PNPLA4: variants seen among roughly 807,000 people sequenced by gnomAD.
PNPLA4 encodes patatin-like phospholipase domain-containing protein 4.
Under a neutral mutation model 18.3 loss-of-function variants are expected in PNPLA4, and 15 were observed. The ratio of observed to expected loss-of-function variants is 0.82; its 90% confidence interval spans 0.55 to 1.26. The LOEUF is 1.26. Among genes scored for constraint, PNPLA4 ranks in the 50% most tolerant of loss-of-function variants. PNPLA4 has a pLI of 0.00. For synonymous variants in PNPLA4, 88 were observed against 85.6 expected (o/e 1.03, Z -0.16); for missense variants, 229 against 196.8 (o/e 1.16, Z -0.98).
chrX:7,912,122 A>C, intron 4 of PNPLA4, 29 bp from the exon 5 acceptor site: 3 of 1,084,137 alleles, frequency 2.8e-6, no homozygotes, highest in African/African-American at 1.8e-5. Context: ...GAAGCAGCTC[A>C]TGATTACAGG....
intron 4 of PNPLA4, among the ~76,000 whole-genome samples, chrX:7,916,024 G>A (rs1293597392): frequency 9.0e-6 from 1 of 111,637 alleles, no homozygotes; most frequent in African/African-American, 3.3e-5. Flanking sequence ...TGCAGGAAAG[G>A]CTTCCTGGGT....
chrX:7,900,323 C>T lies in PNPLA4; in HGVS notation c.*363G>A, dbSNP rs1187876678. The T allele has an allele frequency of 8.3e-6, 1 of 120,465 alleles. No homozygotes were observed. Among genetic ancestry groups the T allele is most frequent in the African/African-American group, 3.2e-5 (1 of 30,841 alleles). 9.9% of individuals were successfully genotyped at this position (120,465 alleles called of 1,213,427 possible). Reference sequence around the variant, plus strand: ...GGGACACAGCTAAGTCACGGAAACACCCATGCTTCACGTCAAGATCATGCC... The same window carrying T: ...GGGACACAGCTAAGTCACGGAAACATCCATGCTTCACGTCAAGATCATGCC... On this transcript the variant is annotated 3_prime_UTR_variant, in exon 7 of 7. Transcript: ENST00000381042.
chrX:7,915,232 C>T (rs1395325548), intron 4 of PNPLA4, among the ~76,000 whole-genome samples: 1 of 98,919 alleles, frequency 1.0e-5, no homozygotes, highest in Non-Finnish European at 2.0e-5. Context: ...GTCTACAGCA[C>T]TTGTTCTCAA....
intron 4 of PNPLA4, among the ~76,000 whole-genome samples, chrX:7,917,080 A>G (rs1404934308): frequency 8.9e-6 from 1 of 112,555 alleles, no homozygotes; most frequent in Non-Finnish European, 1.9e-5. Flanking sequence ...ATCCTCATGA[A>G]CGTAAGATTC....
rs1322275142 is a variant in PNPLA4 at position 7,900,765 on chromosome X, T to C, written c.683A>G (p.Lys228Arg). ...CTGATACAAAGATTCCATTTTCCTC[T>C]TGCTTGGGGGAAAAAGGGCTTGGTT... ...RLNQALFPPS[K>R]RKMESLYQCG... is the part of the protein sequence containing the mutation. Residue 228 changes from lysine (K) to arginine (R), a missense_variant, in exon 7 of 7, where the codon AAG (lysine) becomes AGG (arginine). Coordinates refer to ENST00000381042, the MANE Select transcript of PNPLA4 (RefSeq NM_004650.3). The C allele has an allele frequency of 1.7e-6, 2 of 1,201,393 alleles. No homozygotes were observed. The highest frequency in any genetic ancestry group is 2.2e-5 in the Admixed American group (1 of 45,816).
rs1158152053 is a variant in PNPLA4 at position 7,899,328 on chromosome X, C to T, written c.*1358G>A. ...TTGTCTCTAACTGCCTCTTAGTAAT[C>T]AAGAGTTCTTGCTTGGCAAAACCTC... On this transcript the variant is annotated 3_prime_UTR_variant, in exon 7 of 7. Coordinates refer to ENST00000381042, the MANE Select transcript of PNPLA4 (RefSeq NM_004650.3). 1 of 110,768 alleles carries T rather than the reference C, an allele frequency of 9.0e-6. No individual in the cohort carries two copies. Among genetic ancestry groups the T allele is most frequent in the Non-Finnish European group, 1.9e-5 (1 of 52,996 alleles). 9.1% of individuals were successfully genotyped at this position (110,768 alleles called of 1,213,427 possible). A position where few individuals can be genotyped will look rare whatever the true frequency, so the allele number is the denominator to read the frequency against.
At chrX:7,922,659 T>A (rs1169814400) in intron 2 of PNPLA4, among the ~76,000 whole-genome samples, 1 of 112,318 alleles carries the variant, frequency 8.9e-6, no homozygotes, top group African/African-American at 3.2e-5. Flanking sequence ...TGTCAGTTCA[T>A]CTTCACATCA....
intron 5 of PNPLA4, 91 bp downstream of exon 5, chrX:7,911,937 G>A (rs1938830933): frequency 3.3e-6 from 2 of 608,032 alleles, no homozygotes; most frequent in Admixed American, 5.3e-5. Flanking sequence ...AAACTGATTT[G>A]AAGCCACTAG....
chrX:7,908,778 A>G (rs1190612747), intron 5 of PNPLA4, among the ~76,000 whole-genome samples: 1 of 112,079 alleles, frequency 8.9e-6, no homozygotes, highest in East Asian at 2.8e-4. Flanking sequence ...CTATGCACAG[A>G]CACCACATGA....
At chrX:7,917,446 G>C (rs1460490625) in intron 4 of PNPLA4, among the ~76,000 whole-genome samples, 1 of 111,693 alleles carries the variant, frequency 9.0e-6, no homozygotes, top group African/African-American at 3.3e-5. Flanking sequence ...ATCCTATTCA[G>C]CCTGAAGAAA....
chrX:7,909,743 A>C (rs1238070463), intron 5 of PNPLA4, among the ~76,000 whole-genome samples: 2 of 110,112 alleles, frequency 1.8e-5, no homozygotes, highest in Non-Finnish European at 3.8e-5. Flanking sequence ...AATCACATCT[A>C]AGTTCTGGGC....
In PNPLA4 at chrX:7,899,681, A is replaced by AGAGAGAC. The variant is rs1923463856; in HGVS notation, c.*1004_*1005insGTCTCTC. The AGAGAGAC allele has an allele frequency of 4.0e-5, 1 of 25,092 alleles. No homozygotes were observed. Among genetic ancestry groups the AGAGAGAC allele is most frequent in the Non-Finnish European group, 8.2e-5 (1 of 12,248 alleles). The allele number at this position is 25,092 out of a possible 1,213,427, so 2.1% of individuals were successfully genotyped here. On this transcript the variant is annotated 3_prime_UTR_variant, in exon 7 of 7. Coordinates refer to ENST00000381042, the MANE Select transcript of PNPLA4 (RefSeq NM_004650.3). Reference sequence around the variant, plus strand: ...AGAGAGAGAGAGAGAGAGAGAGAGAATGAATGACAACCAGCTTGATAATCT... The same window carrying AGAGAGAC: ...AGAGAGAGAGAGAGAGAGAGAGAGAAGAGAGACTGAATGACAACCAGCTTGATAATCT...
chrX:7,927,424 G>A (rs1243367916), upstream of PNPLA4: 3 of 113,438 alleles, frequency 2.6e-5, no homozygotes, highest in African/African-American at 9.6e-5. Flanking sequence ...CCTGCGGCAG[G>A]GGTTGGTACC....
At chrX:7,922,402 G>T (rs1248590987) in intron 2 of PNPLA4, among the ~76,000 whole-genome samples, 1 of 112,366 alleles carries the variant, frequency 8.9e-6, no homozygotes, top group African/African-American at 3.2e-5. Flanking sequence ...TTCTTCAAAA[G>T]GTTTCCTCAG....
chrX:7,901,110 TG>T (rs1277907897), intron 6 of PNPLA4, among the ~76,000 whole-genome samples: 1 of 111,580 alleles, frequency 9.0e-6, no homozygotes, highest in East Asian at 2.8e-4. Context: ...GTAGCACCAC[TG>T]GGACATGATA....
At chrX:7,916,319 G>T (rs1172166123) in intron 4 of PNPLA4, among the ~76,000 whole-genome samples, 1 of 111,228 alleles carries the variant, frequency 9.0e-6, no homozygotes, top group Non-Finnish European at 1.9e-5. Context: ...TAAAGAAAAA[G>T]AGCCCACAAT....
At chrX:7,905,120 A>G (rs1286103795) in intron 5 of PNPLA4, among the ~76,000 whole-genome samples, 4 of 112,268 alleles carry the variant, frequency 3.6e-5, no homozygotes, top group Non-Finnish European at 7.5e-5. Context: ...GCTCAATAGA[A>G]AAACCAAAAA....
chrX:7,922,143 A>C (rs758047072), intron 2 of PNPLA4, 45 bp from the exon 3 acceptor site: 5 of 917,552 alleles, frequency 5.4e-6, no homozygotes, highest in Non-Finnish European at 7.8e-6. Context: ...TTGTAAAGAA[A>C]ACAATCATTC....
chrX:7,911,923 A>T (rs1373258202), intron 5 of PNPLA4, 105 bp downstream of exon 5: 1 of 543,515 alleles, frequency 1.8e-6, no homozygotes, highest in Non-Finnish European at 3.1e-6. Flanking sequence ...GAGGAAAAAA[A>T]CATAAACTGA....
Sources: gnomAD v4.1 joint callset for allele counts (sites outside exome capture counted in the v4.1 genomes callset) on GRCh38, gnomAD v4.1.1 for gene constraint, MANE v1.5 for transcripts, NCBI Gene and HGNC (gene_info 2026-07-23, HGNC 2026-07-21) for gene names.